The following SMARCAD1 variants were observed in gnomAD, a reference collection of about 807,000 sequenced individuals.
The protein encoded by SMARCAD1 is SNF2 related chromatin remodeling ATPase with DExD box 1.
A neutral mutation model predicts 127.1 loss-of-function variants in SMARCAD1; 25 were observed. That is an observed-to-expected ratio of 0.20 (90% CI 0.14 to 0.27). The LOEUF is 0.27. SMARCAD1 is among the 10% of genes least tolerant of loss of function. The probability of loss-of-function intolerance (pLI) is 1.00; values close to 1 mark genes in which losing one functional copy is unlikely to be tolerated. For synonymous variants in SMARCAD1, 400 were observed against 396.9 expected (o/e 1.01, Z -0.09); for missense variants, 807 against 1,206.0 (o/e 0.67, Z 4.90).
rs756352035 is a variant in SMARCAD1 at position 94,252,842 on chromosome 4, G to A, written c.1116G>A (p.Glu372=). ...CTGATGTCGGTAGTTCACTAGATGA[G>A]GACTATAGTAGTGGTGAAGAAGTGA... is the stretch of plus-strand genomic sequence containing the variant. ...SGSDVGSSLD[E]DYSSGEEVME... is the part of the protein sequence containing the mutation. The change falls in exon 9 of 24, where the codon GAG becomes GAA. Residue 372 remains glutamate, a synonymous_variant. Coordinates refer to ENST00000354268, the MANE Select transcript of SMARCAD1 (RefSeq NM_020159.5). The A allele has an allele frequency of 5.6e-6, 9 of 1,613,956 alleles. No homozygotes were observed. In the East Asian group the frequency reaches 2.0e-4, roughly 36 times the overall value.
chr4:94,237,063 CATA>C (rs1271923241), intron 5 of SMARCAD1, 45 bp downstream of exon 5: 2 of 1,435,056 alleles, frequency 1.4e-6, no homozygotes, highest in Admixed American at 3.3e-5. Context: ...ATTGTTACGT[CATA>C]ATAATAGTAC....
rs1469652372 is a variant in SMARCAD1, at chr4:94,210,045, T to C, written c.190+1461T>C. Among the ~76,000 whole-genome samples, 7 of 152,236 alleles carry C rather than the reference T, an allele frequency of 4.6e-5. No homozygotes were observed. The East Asian group carries it at 7.7e-4, about 17-fold the overall frequency. On this transcript the variant is annotated intron_variant, in intron 2 of 23. Coordinates refer to ENST00000354268, the MANE Select transcript of SMARCAD1 (RefSeq NM_020159.5). The stretch of plus-strand genomic sequence containing the variant: ...AAGTGAAAGCAGTTTGTAAACTGGA[T>C]TTCAGTGGAATGTTTTAGTTATTTA...
intron 2 of SMARCAD1, among the ~76,000 whole-genome samples, chr4:94,211,182 G>C (rs1375315562): frequency 6.6e-6 from 1 of 152,128 alleles, no homozygotes; most frequent in Non-Finnish European, 1.5e-5. Context: ...TGAAGCAGGA[G>C]AATCACTTGA....
chr4:94,238,424 A>G (rs191016694), intron 5 of SMARCAD1, among the ~76,000 whole-genome samples: 5 of 152,274 alleles, frequency 3.3e-5, no homozygotes, highest in Admixed American at 2.0e-4. Context: ...TGCCTGGTAC[A>G]TAGTGAGTGC....
At chr4:94,217,990 C>G (rs533697087) in intron 2 of SMARCAD1, among the ~76,000 whole-genome samples, 1 of 152,108 alleles carries the variant, frequency 6.6e-6, no homozygotes, top group Non-Finnish European at 1.5e-5. Context: ...GGGTTTCAGT[C>G]AAAAATGTTT....
intron 6 of SMARCAD1, among the ~76,000 whole-genome samples, chr4:94,242,489 C>T (rs189320429): frequency 6.6e-6 from 1 of 152,256 alleles, no homozygotes; most frequent in East Asian, 1.9e-4. Flanking sequence ...TCTTGGTACA[C>T]AAAATGGGCA....
intron 5 of SMARCAD1, 137 bp downstream of exon 5, chr4:94,237,155 C>T (rs1746791334): frequency 1.3e-6 from 1 of 749,612 alleles, no homozygotes; most frequent in African/African-American, 1.7e-5. Flanking sequence ...TTAATAGTTT[C>T]ACTGTTTTTC....
At chr4:94,281,770 C>T (rs1167265938) in intron 21 of SMARCAD1, among the ~76,000 whole-genome samples, 180 bp downstream of exon 21, 1 of 152,012 alleles carries the variant, frequency 6.6e-6, no homozygotes. Context: ...CCTGTAATCC[C>T]AACACTTTGG....
chr4:94,274,690 A>G, intron 12 of SMARCAD1, 48 bp from the exon 13 acceptor site: 1 of 1,517,204 alleles, frequency 6.6e-7, no homozygotes, highest in Non-Finnish European at 9.2e-7. Context: ...AACCATGTGA[A>G]CATACCCTAT....
chr4:94,230,055 GTT>G (rs1365560601), intron 3 of SMARCAD1, among the ~76,000 whole-genome samples: 2 of 151,816 alleles, frequency 1.3e-5, no homozygotes, highest in Non-Finnish European at 2.9e-5. Flanking sequence ...TAATTTAAAT[GTT>G]TTGTTATTCA....
At chr4:94,253,830 G>A (rs1291503187) in intron 9 of SMARCAD1, among the ~76,000 whole-genome samples, 2 of 152,054 alleles carry the variant, frequency 1.3e-5, no homozygotes, top group East Asian at 1.9e-4. Context: ...CAACCCTTAC[G>A]TGGGCTTTTA....
At chr4:94,275,590 C>G (rs1382412456) in intron 14 of SMARCAD1, among the ~76,000 whole-genome samples, 1 of 152,038 alleles carries the variant, frequency 6.6e-6, no homozygotes. Context: ...CAGTCTCAAG[C>G]TGCTAGCTAT....
chr4:94,232,964 A>T (rs924563356), intron 3 of SMARCAD1, among the ~76,000 whole-genome samples: 2 of 152,320 alleles, frequency 1.3e-5, no homozygotes, highest in East Asian at 3.9e-4. Flanking sequence ...TGGGTGACAG[A>T]GTGGAACCCC....
chr4:94,216,930 T>C (rs1743289788), intron 2 of SMARCAD1, among the ~76,000 whole-genome samples: 1 of 152,240 alleles, frequency 6.6e-6, no homozygotes. Flanking sequence ...CTTTCAGTTC[T>C]TTTGGTTGTA....
intron 2 of SMARCAD1, among the ~76,000 whole-genome samples, chr4:94,215,446 C>T (rs994061284): frequency 2.0e-5 from 3 of 151,938 alleles, no homozygotes; most frequent in Non-Finnish European, 2.9e-5. Flanking sequence ...TGTAGTGAGA[C>T]CCTGTCTCTA....
At chr4:94,215,373 C>G (rs1560510409) in intron 2 of SMARCAD1, among the ~76,000 whole-genome samples, 1 of 152,102 alleles carries the variant, frequency 6.6e-6, no homozygotes, top group Non-Finnish European at 1.5e-5. Context: ...AGAGTCGCAG[C>G]ACTTTGGGAG....
intron 3 of SMARCAD1, among the ~76,000 whole-genome samples, chr4:94,232,601 G>A (rs17303457): frequency 0.02 from 2,993 of 152,276 alleles, 54 homozygotes; most frequent in South Asian, 0.042. Flanking sequence ...TATTTGCCTC[G>A]TTACTTTAGA....
Position 94,252,975 on chromosome 4 carries a change from G to C in SMARCAD1, c.1249G>C (p.Glu417Gln), listed in dbSNP as rs769200659. 6.2e-7 allele frequency: 1 copy of C among 1,613,542 alleles called. No individual in the cohort carries two copies. The highest frequency in any genetic ancestry group is 1.7e-5 in the Admixed American group (1 of 60,012). Residue 417 changes from glutamate (E) to glutamine (Q), a missense_variant, in exon 9 of 24, where the codon GAA becomes CAA. Transcript: ENST00000354268. ...CSQKKAQKIT[E>Q]LRPFNSWEAL... ...TCAGAAAAAGGCTCAGAAGATAACA[G>C]AACTCCGGCCCTTTAATAGTTGGGA...
chr4:94,215,171 A>T (rs1489749896), intron 2 of SMARCAD1, among the ~76,000 whole-genome samples: 1 of 152,222 alleles, frequency 6.6e-6, no homozygotes, highest in Non-Finnish European at 1.5e-5. Context: ...AATGTGAGCC[A>T]TCGTTAAACC....
Sources: allele counts gnomAD v4.1 joint callset (sites outside exome capture counted in the v4.1 genomes callset), GRCh38; gene constraint gnomAD v4.1.1; transcripts MANE v1.5; gene names NCBI Gene and HGNC (gene_info 2026-07-23, HGNC 2026-07-21).